The following KCNQ1 variants were observed in gnomAD, a reference collection of about 807,000 sequenced individuals.
The protein encoded by KCNQ1 is potassium voltage-gated channel subfamily Q member 1, also known as potassium voltage-gated channel subfamily KQT member 1.
Under a neutral mutation model 72.4 loss-of-function variants are expected in KCNQ1, and 49 were observed. That is an observed-to-expected ratio of 0.68 (90% CI 0.54 to 0.86). KCNQ1 has a LOEUF of 0.86. KCNQ1 is among the 40% of genes least tolerant of loss of function. The probability of loss-of-function intolerance (pLI) is 0.00; values close to 1 mark genes in which losing one functional copy is unlikely to be tolerated. For missense variants in KCNQ1, 790 were observed against 945.1 expected (o/e 0.84, Z 2.15); for synonymous variants, 450 against 412.6 (o/e 1.09, Z -1.10).
At chr11:2,761,214 G>A (rs1051527254) in intron 11 of KCNQ1, among the ~76,000 whole-genome samples, 5 of 151,888 alleles carry the variant, frequency 3.3e-5, no homozygotes, top group Admixed American at 2.0e-4. Context: ...GCTCTCCTGC[G>A]TCCACCCCAG....
At chr11:2,551,870 C>T (rs1174433436) in intron 2 of KCNQ1, among the ~76,000 whole-genome samples, 2 of 152,208 alleles carry the variant, frequency 1.3e-5, no homozygotes, top group Non-Finnish European at 2.9e-5. Context: ...GCATATTTGC[C>T]ATTCATATAT....
chr11:2,689,412 G>C (rs1464366672), intron 11 of KCNQ1: 6 of 398,560 alleles, frequency 1.5e-5, no homozygotes, highest in Non-Finnish European at 2.7e-5. Context: ...GGGAAATGGG[G>C]AGCATAGGGG....
chr11:2,845,880 C>G (rs901099964), intron 15 of KCNQ1, among the ~76,000 whole-genome samples: 3 of 152,196 alleles, frequency 2.0e-5, no homozygotes, highest in Admixed American at 1.3e-4. Flanking sequence ...TCACAGCACC[C>G]TGTTGGCCGC....
intron 15 of KCNQ1, among the ~76,000 whole-genome samples, chr11:2,825,446 A>T (rs1847819337): frequency 6.6e-6 from 1 of 151,976 alleles, no homozygotes; most frequent in South Asian, 2.1e-4. Context: ...GCGGGGGGGT[A>T]GGGGCGCCCC....
In KCNQ1 at chr11:2,669,401, C is replaced by T. The variant is rs1850142362; in HGVS notation, c.1514+7320C>T. On this transcript the variant is annotated intron_variant, in intron 11 of 15. Coordinates refer to ENST00000155840, the MANE Select transcript of KCNQ1 (RefSeq NM_000218.3). The surrounding 1 kb of genome is among the most constrained non-coding windows in gnomAD (Gnocchi z 5.6). ...TTTTGGGGCTCCTGAAACATGGCAT[C>T]ATGTGTCCCTTGTTTATTTAGGTTG... 5.0e-6 allele frequency: 2 copies of T among 398,514 alleles called. No homozygotes were observed. The highest frequency in any genetic ancestry group is 8.8e-6 in the Non-Finnish European group (2 of 226,078). The allele number at this position is 398,514 out of a possible 1,614,324, so 24.7% of individuals were successfully genotyped here.
chr11:2,611,207 G>A lies in KCNQ1; in HGVS notation c.1393+22353G>A. ...ATGGTTTGTTTTTAAAGTCTATTTT[G>A]TCTGATTTTATTTATTTTTATTTTA... On this transcript the variant is annotated intron_variant, in intron 10 of 15. Transcript: ENST00000155840. The surrounding 1 kb of genome is among the most constrained non-coding windows in gnomAD (Gnocchi z 5.3). 1 of 398,184 alleles carries A rather than the reference G, an allele frequency of 2.5e-6. No individual in the cohort carries two copies. The highest frequency in any genetic ancestry group is 4.4e-6 in the Non-Finnish European group (1 of 225,942). The allele number at this position is 398,184 out of a possible 1,614,324, so 24.7% of individuals were successfully genotyped here. A position where few individuals can be genotyped will look rare whatever the true frequency, so the allele number is the denominator to read the frequency against.
At chr11:2,709,382 C>G (rs1007669327) in intron 11 of KCNQ1, among the ~76,000 whole-genome samples, 1 of 151,808 alleles carries the variant, frequency 6.6e-6, no homozygotes, top group South Asian at 2.1e-4. Context: ...TTGGGAGCCA[C>G]TCTCGGTGTC....
intron 10 of KCNQ1, chr11:2,640,460 A>AT (rs1467898615): frequency 1.8e-5 from 7 of 397,996 alleles, no homozygotes; most frequent in Middle Eastern, 6.2e-4. Context: ...TAACTTCTTA[A>AT]TTTTTTGTAG....
intron 11 of KCNQ1, among the ~76,000 whole-genome samples, chr11:2,728,334 T>C (rs1276489463): frequency 6.6e-6 from 1 of 152,238 alleles, no homozygotes; most frequent in Non-Finnish European, 1.5e-5. Flanking sequence ...TTGTTCACAG[T>C]GCTATGCCTG....
In KCNQ1 at chr11:2,816,321, G is replaced by A. The variant is rs1406409784; in HGVS notation, c.1795-31446G>A. Among the ~76,000 whole-genome samples the A allele has an allele frequency of 6.6e-6, 1 of 152,248 alleles. No homozygotes were observed. Among genetic ancestry groups the A allele is most frequent in the Non-Finnish European group, 1.5e-5 (1 of 68,050 alleles). On this transcript the variant is annotated intron_variant, in intron 15 of 15. Transcript: ENST00000155840. The surrounding 1 kb of genome is among the most constrained non-coding windows in gnomAD (Gnocchi z 6.8). ...AGTCAAGCTCAGTGCTGGTGACGAT[G>A]TTGGGGAGAGGGGCCTCCAGCGCCG...
intron 15 of KCNQ1, among the ~76,000 whole-genome samples, chr11:2,812,604 C>T (rs1368627637): frequency 6.6e-6 from 1 of 152,206 alleles, no homozygotes; most frequent in Non-Finnish European, 1.5e-5. Context: ...CCGGCTTTCT[C>T]TCTCCCCCTA....
chr11:2,558,430 G>A (rs1384742396), intron 2 of KCNQ1, among the ~76,000 whole-genome samples: 7 of 152,194 alleles, frequency 4.6e-5, no homozygotes, highest in Non-Finnish European at 1.0e-4. Flanking sequence ...CCAGGCGGGG[G>A]GGTCCACATA....
In KCNQ1 at chr11:2,848,249, G is replaced by A. The variant is rs558109815; in HGVS notation, c.*246G>A. On this transcript the variant is annotated 3_prime_UTR_variant, in exon 16 of 16. Coordinates refer to ENST00000155840, the MANE Select transcript of KCNQ1 (RefSeq NM_000218.3). ...TCTGAGTTGTTACCCCAAGCGCCCT[G>A]GCCCCCACATGGTGATGTTGACATC... 1 of 648,978 alleles carries A rather than the reference G, an allele frequency of 1.5e-6. No homozygotes were observed. Among genetic ancestry groups the A allele is most frequent in the East Asian group, 2.8e-5 (1 of 36,234 alleles). 40.2% of individuals were successfully genotyped at this position (648,978 alleles called of 1,614,324 possible). A position where few individuals can be genotyped will look rare whatever the true frequency, so the allele number is the denominator to read the frequency against.
At chr11:2,800,315 T>C (rs1847235145) in intron 15 of KCNQ1, among the ~76,000 whole-genome samples, 2 of 152,224 alleles carry the variant, frequency 1.3e-5, no homozygotes, top group Admixed American at 6.5e-5. Flanking sequence ...CTGACAGCCG[T>C]TCCTGCTTCC....
intron 1 of KCNQ1, among the ~76,000 whole-genome samples, chr11:2,500,541 T>G (rs1846992337): frequency 6.6e-6 from 1 of 152,196 alleles, no homozygotes; most frequent in Non-Finnish European, 1.5e-5. Flanking sequence ...CCCAAAGGAT[T>G]ATAAATCATT....
At chr11:2,551,342 G>T (rs946336899) in intron 2 of KCNQ1, among the ~76,000 whole-genome samples, 2 of 152,226 alleles carry the variant, frequency 1.3e-5, no homozygotes, top group African/African-American at 4.8e-5. Flanking sequence ...AGAACGTCAT[G>T]TGAATGGAAT....
intron 11 of KCNQ1, among the ~76,000 whole-genome samples, chr11:2,751,896 C>G (rs140424028): frequency 6.6e-6 from 1 of 152,234 alleles, no homozygotes; most frequent in African/African-American, 2.4e-5. Flanking sequence ...CCCCCCATAG[C>G]ATGGCTGACC....
chr11:2,637,715 C>A (rs1464845041), intron 10 of KCNQ1: 1 of 152,204 alleles, frequency 6.6e-6, no homozygotes, highest in Non-Finnish European at 1.5e-5. Flanking sequence ...TGGTGCAGAG[C>A]TGAGTTCAAT....
rs1846179518 is a variant in KCNQ1, at chr11:2,748,855, C to T, written c.1515-19989C>T. On this transcript the variant is annotated intron_variant, in intron 11 of 15. Coordinates refer to ENST00000155840, the MANE Select transcript of KCNQ1 (RefSeq NM_000218.3). The surrounding 1 kb of genome is among the most constrained non-coding windows in gnomAD (Gnocchi z 6.2). ...GCCAAGATCCCCACCTCTGGTCTGG[C>T]AGCTGGGTGTGCAGGGGCAGCCCCA... Among the ~76,000 whole-genome samples, 1 of 152,256 alleles carries T rather than the reference C, an allele frequency of 6.6e-6. No individual in the cohort carries two copies. The highest frequency in any genetic ancestry group is 1.5e-5 in the Non-Finnish European group (1 of 68,048).
Sources: gnomAD v4.1 joint callset for allele counts (sites outside exome capture counted in the v4.1 genomes callset) on GRCh38, gnomAD v4.1.1 for gene constraint, Gnocchi (gnomAD v3.1) non-coding constraint, MANE v1.5 for transcripts, NCBI Gene and HGNC (gene_info 2026-07-23, HGNC 2026-07-21) for gene names.